The following LRBA variants were observed in gnomAD, a reference collection of about 807,000 sequenced individuals.
LRBA encodes the protein LPS responsive beige-like anchor protein, also known as lipopolysaccharide-responsive and beige-like anchor protein.
LRBA carries 176 observed loss-of-function variants against 330.0 expected under a neutral mutation model. That is an observed-to-expected ratio of 0.53 (90% confidence interval 0.47 to 0.60). The LOEUF is 0.60. LRBA is among the 20% of genes least tolerant of loss of function. The probability of loss-of-function intolerance (pLI) is 0.00; values close to 1 mark genes in which losing one functional copy is unlikely to be tolerated. For synonymous variants in LRBA, 1,230 were observed against 1,193.0 expected (o/e 1.03, Z -0.64); for missense variants, 3,259 against 3,444.8 (o/e 0.95, Z 1.35).
chr4:150,365,658 G>A (rs1161459391), intron 47 of LRBA, among the ~76,000 whole-genome samples: 2 of 151,936 alleles, frequency 1.3e-5, no homozygotes, highest in Non-Finnish European at 2.9e-5. Context: ...GGGCATGGTG[G>A]TGCATGACTG....
chr4:150,531,349 C>G (rs1764035234), intron 40 of LRBA, among the ~76,000 whole-genome samples: 1 of 152,180 alleles, frequency 6.6e-6, no homozygotes, highest in Non-Finnish European at 1.5e-5. Context: ...ACATTCCTCC[C>G]TCCAGGCCTT....
intron 47 of LRBA, among the ~76,000 whole-genome samples, chr4:150,350,604 T>C (rs1162394674): frequency 6.6e-6 from 1 of 151,744 alleles, no homozygotes; most frequent in Non-Finnish European, 1.5e-5. Context: ...TCTGATGTCC[T>C]AGTTTCTACC....
intron 37 of LRBA, among the ~76,000 whole-genome samples, chr4:150,671,384 T>C (rs1782050675): frequency 6.6e-6 from 1 of 151,510 alleles, no homozygotes; most frequent in South Asian, 2.1e-4. Flanking sequence ...CTCTGAAACA[T>C]CGTTTTCATC....
At chr4:150,340,658 T>C (rs1443651970) in intron 48 of LRBA, among the ~76,000 whole-genome samples, 3 of 152,218 alleles carry the variant, frequency 2.0e-5, no homozygotes, top group Non-Finnish European at 2.9e-5. Context: ...ATATGTGACT[T>C]GCATTTCATC....
intron 11 of LRBA, among the ~76,000 whole-genome samples, chr4:150,907,104 T>C (rs1731413894): frequency 6.8e-6 from 1 of 148,112 alleles, no homozygotes. Context: ...GATCAGTTGT[T>C]ACTGCCTTCT....
intron 2 of LRBA, among the ~76,000 whole-genome samples, chr4:150,994,374 C>T (rs77829189): frequency 5.8e-4 from 89 of 152,282 alleles, no homozygotes; most frequent in African/African-American, 2.1e-3. Context: ...CTGCTCCACA[C>T]GAGTTACTGT....
rs1751019925 is a variant in LRBA, at chr4:150,435,705, G to C, written c.6925C>G (p.Pro2309Ala). ...AAATTTAGGAAATAAGTTGTAAAGG[G>C]TTCCTAAAAAATAGCAATTAAAAAA... Reference protein sequence around the residue: ...FVLAWLLRIEPFTTYFLNLQG... With the variant: ...FVLAWLLRIEAFTTYFLNLQG... The change falls in exon 46 of 57, where the codon CCC becomes GCC. Residue 2309 changes from proline (P) to alanine (A), a missense_variant. Pro to Ala is a conservative substitution (Grantham distance 27). Transcript: ENST00000651943. The C allele has an allele frequency of 6.3e-7, 1 of 1,592,522 alleles. No individual in the cohort carries two copies. Among genetic ancestry groups the C allele is most frequent in the Non-Finnish European group, 8.5e-7 (1 of 1,173,666 alleles).
intron 42 of LRBA, among the ~76,000 whole-genome samples, chr4:150,476,441 C>G (rs1756712689): frequency 6.6e-6 from 1 of 151,990 alleles, no homozygotes; most frequent in Non-Finnish European, 1.5e-5. Context: ...GCCCCCAAAC[C>G]CAGGCACTCT....
At chr4:150,447,183 T>A (rs1299809673) in intron 44 of LRBA, among the ~76,000 whole-genome samples, 1 of 152,160 alleles carries the variant, frequency 6.6e-6, no homozygotes, top group African/African-American at 2.4e-5. Context: ...GGAAAAAAAA[T>A]AACCTCATGT....
chr4:150,958,601 T>G (rs1737808758), intron 2 of LRBA, among the ~76,000 whole-genome samples: 1 of 149,194 alleles, frequency 6.7e-6, no homozygotes, highest in African/African-American at 2.6e-5. Context: ...AGAAAATGGG[T>G]TTTTCTTTTC....
chr4:150,469,754 C>G (rs1755859452), intron 43 of LRBA, among the ~76,000 whole-genome samples: 1 of 152,150 alleles, frequency 6.6e-6, no homozygotes, highest in Non-Finnish European at 1.5e-5. Flanking sequence ...CTTTTCTTTG[C>G]TAAGAGTAAT....
chr4:150,882,150 C>A (rs2127051945), intron 17 of LRBA, among the ~76,000 whole-genome samples: 1 of 151,890 alleles, frequency 6.6e-6, no homozygotes, highest in Admixed American at 6.6e-5. Context: ...TATGTACTTT[C>A]AAATAATGTT....
At chr4:150,878,862 AT>A (rs761864448) in intron 17 of LRBA, among the ~76,000 whole-genome samples, 439 of 140,602 alleles carry the variant, frequency 3.1e-3, no homozygotes, top group Admixed American at 3.7e-3. Context: ...TGGTCCAGGA[AT>A]TTTTTTTTTT....
At chr4:150,411,043 T>C (rs1219738359) in intron 47 of LRBA, among the ~76,000 whole-genome samples, 1 of 152,176 alleles carries the variant, frequency 6.6e-6, no homozygotes, top group African/African-American at 2.4e-5. Context: ...GAAATAAATT[T>C]TTTTCCTAGT....
At chr4:150,871,816 A>T (rs1217158947) in intron 18 of LRBA, among the ~76,000 whole-genome samples, 1 of 152,342 alleles carries the variant, frequency 6.6e-6, no homozygotes, top group Admixed American at 6.5e-5. Context: ...AAAGCACAAT[A>T]AATACTTAAG....
At position 150,851,936 on chromosome 4, in the gene LRBA, C is replaced by T; in HGVS notation, c.3774G>A (p.Leu1258=). 6.2e-7 allele frequency: 1 copy of T among 1,614,048 alleles called. No homozygotes were observed. Among genetic ancestry groups the T allele is most frequent in the Non-Finnish European group, 8.5e-7 (1 of 1,179,966 alleles). Residue 1258 remains leucine, a synonymous_variant, in exon 23 of 57, where the codon TTG becomes TTA. Transcript: ENST00000651943. The part of the protein sequence containing the change: ...NVATDTERLE[L]KASPNVEAPQ... Reference sequence around the variant, plus strand: ...GTGCTTCCACGTTGGGACTGGCCTTCAACTCCAGCCTCTCAGTATCTGTAG... The same window carrying T: ...GTGCTTCCACGTTGGGACTGGCCTTTAACTCCAGCCTCTCAGTATCTGTAG...
chr4:150,777,315 G>T (rs150019122), intron 34 of LRBA, among the ~76,000 whole-genome samples: 1 of 151,454 alleles, frequency 6.6e-6, no homozygotes, highest in East Asian at 1.9e-4. Flanking sequence ...ATTTCTACTC[G>T]TAGTAATACT....
At chr4:150,419,701 G>A (rs1405157651) in intron 46 of LRBA, among the ~76,000 whole-genome samples, 2 of 143,178 alleles carry the variant, frequency 1.4e-5, no homozygotes, top group Non-Finnish European at 3.0e-5. Context: ...GCAGTGGCGC[G>A]ATCTTGGCTC....
rs1314559325 is a variant in LRBA, at chr4:150,737,841, TCTC to T, written c.5646-2478_5646-2476del. 2.0e-5 allele frequency among the ~76,000 whole-genome samples: 3 copies of T among 152,136 alleles called. No homozygotes were observed. The East Asian group carries it at 5.8e-4, about 29-fold the overall frequency. ...CAAAACTATAATATCACTTAACTAT[TCTC>T]CTAAGGGCCCACTTACTGTTCACAA... is the stretch of plus-strand genomic sequence containing the variant. On this transcript the variant is annotated intron_variant, in intron 35 of 56. Transcript: ENST00000651943.
Sources: gnomAD v4.1 joint callset for allele counts (sites outside exome capture counted in the v4.1 genomes callset) on GRCh38, gnomAD v4.1.1 for gene constraint, MANE v1.5 for transcripts, NCBI Gene and HGNC (gene_info 2026-07-23, HGNC 2026-07-21) for gene names.